RHOT1: variants seen among roughly 807,000 people sequenced by gnomAD.
RHOT1 encodes mitochondrial Rho GTPase 1.
RHOT1 carries 27 observed loss-of-function variants against 95.3 expected under a neutral mutation model. That is an observed-to-expected ratio of 0.28 (90% confidence interval 0.21 to 0.39). The LOEUF (loss-of-function observed/expected upper bound fraction) is 0.39. Ranked by LOEUF, RHOT1 falls within the 10% of genes least tolerant of loss-of-function variation. RHOT1 has a pLI of 1.00. For synonymous variants in RHOT1, 227 were observed against 263.5 expected (o/e 0.86, Z 1.34); for missense variants, 578 against 786.7 (o/e 0.73, Z 3.17).
intron 1 of RHOT1, among the ~76,000 whole-genome samples, chr17:32,149,718 T>C (rs1445854099): frequency 7.0e-6 from 1 of 143,708 alleles, no homozygotes; most frequent in South Asian, 2.1e-4. Flanking sequence ...CACATACACA[T>C]ATATATACAC....
At chr17:32,159,111 G>A (rs1021382027) in intron 1 of RHOT1, among the ~76,000 whole-genome samples, 1 of 152,184 alleles carries the variant, frequency 6.6e-6, no homozygotes, top group African/African-American at 2.4e-5. Context: ...AGGAGCCCAT[G>A]AGCACCCGGC....
At chr17:32,215,197 A>G (rs1442490015) in intron 19 of RHOT1, among the ~76,000 whole-genome samples, 1 of 152,102 alleles carries the variant, frequency 6.6e-6, no homozygotes, top group Non-Finnish European at 1.5e-5. Context: ...CCCAGCTGTC[A>G]TTTTTATTTA....
At chr17:32,146,963 G>A (rs906737133) in intron 1 of RHOT1, among the ~76,000 whole-genome samples, 7 of 134,800 alleles carry the variant, frequency 5.2e-5, no homozygotes, top group Non-Finnish European at 9.3e-5. Context: ...AGGCTGGTCT[G>A]GAACTGCTGA....
intron 10 of RHOT1, 66 bp from the exon 11 acceptor site, chr17:32,193,921 A>G: frequency 6.4e-7 from 1 of 1,566,270 alleles, no homozygotes; most frequent in Non-Finnish European, 8.7e-7. Context: ...GGTTCTTGCC[A>G]TTATGTTACA....
At chr17:32,196,301 C>G (rs2036884893) in intron 11 of RHOT1, among the ~76,000 whole-genome samples, 1 of 151,992 alleles carries the variant, frequency 6.6e-6, no homozygotes. Context: ...AGCAATCATC[C>G]CACTTCAGCC....
intron 6 of RHOT1, among the ~76,000 whole-genome samples, chr17:32,176,500 C>G (rs920924171): frequency 6.6e-6 from 1 of 152,044 alleles, no homozygotes; most frequent in Non-Finnish European, 1.5e-5. Flanking sequence ...GGTCATAAAT[C>G]TTACATTTCT....
intron 8 of RHOT1, among the ~76,000 whole-genome samples, chr17:32,185,565 C>G (rs990772917): frequency 6.6e-6 from 1 of 152,128 alleles, no homozygotes; most frequent in South Asian, 2.1e-4. Flanking sequence ...TGCCACCATA[C>G]CCAGCTAATT....
At chr17:32,219,548 G>T (rs2142959431) in intron 19 of RHOT1, among the ~76,000 whole-genome samples, 1 of 152,298 alleles carries the variant, frequency 6.6e-6, no homozygotes, top group Non-Finnish European at 1.5e-5. Context: ...CATATGCCTT[G>T]TGTGACTGTT....
At chr17:32,183,087 CT>C (rs372999741) in intron 7 of RHOT1, 83 bp from the exon 8 acceptor site, 367 of 1,172,044 alleles carry the variant, frequency 3.1e-4, no homozygotes, top group Middle Eastern at 1.2e-3. Flanking sequence ...TTCAAGGAAT[CT>C]TTTTTTTGCC....
In RHOT1 at chr17:32,175,987, C is replaced by A; in HGVS notation, c.248C>A (p.Ala83Asp). The A allele has an allele frequency of 6.2e-7, 1 of 1,602,242 alleles. No individual in the cohort carries two copies. Among genetic ancestry groups the A allele is most frequent in the Non-Finnish European group, 8.5e-7 (1 of 1,175,948 alleles). ...GCTAATGTCATCTGTATAGTGTATG[C>A]CGTTAACAACAAGCATTCTATTGAT... ...SQANVICIVY[A>D]VNNKHSIDKV... Residue 83 changes from alanine (A) to aspartate (D), a missense_variant, in exon 5 of 20, where the codon GCC becomes GAC. Ala to Asp is a moderately radical substitution (Grantham distance 126). This residue lies in a region of RHOT1 where 51 missense variants were observed against 114.7 expected (regional missense o/e 0.44). Transcript: ENST00000545287.
At chr17:32,214,186 A>G (rs1012264531) in intron 19 of RHOT1, among the ~76,000 whole-genome samples, 5 of 152,180 alleles carry the variant, frequency 3.3e-5, no homozygotes, top group African/African-American at 1.2e-4. Flanking sequence ...CCAAAAACTC[A>G]GTGCCCACAG....
At chr17:32,143,501 T>G (rs574315346) in intron 1 of RHOT1, among the ~76,000 whole-genome samples, 32 of 152,238 alleles carry the variant, frequency 2.1e-4, no homozygotes, top group Non-Finnish European at 8.8e-5. Context: ...TGCCCTCTTT[T>G]TAAGCATTAT....
chr17:32,174,755 C>G (rs1472220643), intron 3 of RHOT1, among the ~76,000 whole-genome samples: 1 of 152,148 alleles, frequency 6.6e-6, no homozygotes, highest in African/African-American at 2.4e-5. Flanking sequence ...GCTTTCTATC[C>G]TAGCTATATC....
chr17:32,192,336 T>C, intron 9 of RHOT1, 37 bp downstream of exon 9: 1 of 647,664 alleles, frequency 1.5e-6, no homozygotes, highest in Non-Finnish European at 2.4e-6. Context: ...GCGTATCTTT[T>C]TTTTTTTTTT....
At chr17:32,173,138 T>G (rs1243882825) in intron 2 of RHOT1, 1 of 152,230 alleles carries the variant, frequency 6.6e-6, no homozygotes, top group Non-Finnish European at 1.5e-5. Flanking sequence ...GTTTTTATCC[T>G]ATAGTTTTAA....
intron 5 of RHOT1, 39 bp downstream of exon 5, chr17:32,176,054 G>A: frequency 6.3e-7 from 1 of 1,584,226 alleles, no homozygotes. Context: ...TGGTTTCAGT[G>A]GAGTGCTTCC....
At chr17:32,180,194 T>A (rs1344904974) in intron 6 of RHOT1, 3 of 152,344 alleles carry the variant, frequency 2.0e-5, no homozygotes, top group African/African-American at 7.3e-5. Flanking sequence ...ATGATGACGA[T>A]GGCGGTTTTG....
intron 19 of RHOT1, among the ~76,000 whole-genome samples, chr17:32,213,091 G>A (rs915734665): frequency 7.2e-5 from 11 of 152,178 alleles, no homozygotes; most frequent in Non-Finnish European, 1.5e-4. Context: ...GACATATATT[G>A]TCTTGGGGCT....
chr17:32,158,620 C>T (rs1378436707), intron 1 of RHOT1, among the ~76,000 whole-genome samples: 3 of 151,866 alleles, frequency 2.0e-5, no homozygotes, highest in East Asian at 1.9e-4. Flanking sequence ...CCACCACGCC[C>T]GGCTAATTTT....
Sources: gnomAD v4.1 joint callset for allele counts (sites outside exome capture counted in the v4.1 genomes callset) on GRCh38, gnomAD v4.1.1 for gene constraint, gnomAD v4.1.1 regional missense constraint, MANE v1.5 for transcripts, NCBI Gene and HGNC (gene_info 2026-07-23, HGNC 2026-07-21) for gene names.